The following MIPOL1 variants were observed in gnomAD, a reference collection of about 807,000 sequenced individuals.
MIPOL1 encodes the protein mirror-image polydactyly gene 1 protein.
In MIPOL1, 57 loss-of-function variants were observed where a neutral mutation model predicts 60.9. That is an observed-to-expected ratio of 0.94 (90% CI 0.76 to 1.17). The LOEUF (loss-of-function observed/expected upper bound fraction) is 1.17, where lower values mean the gene tolerates loss of function less well. Among genes scored for constraint, MIPOL1 ranks in the 50% most tolerant of loss-of-function variants. The pLI is 0.00. For missense variants in MIPOL1, 551 were observed against 511.6 expected, an observed-to-expected ratio of 1.08 and a Z score of -0.74; for synonymous variants, 179 against 168.8, an observed-to-expected ratio of 1.06 and a Z score of -0.47.
chr14:37,361,703 G>A (rs996933455), intron 9 of MIPOL1, among the ~76,000 whole-genome samples: 1 of 133,726 alleles, frequency 7.5e-6, no homozygotes, highest in African/African-American at 2.9e-5. Context: ...CCTTCCCCGG[G>A]TTCATGCCAT....
intron 3 of MIPOL1, chr14:37,265,083 A>G (rs1214241451): frequency 6.6e-6 from 1 of 152,324 alleles, no homozygotes; most frequent in Non-Finnish European, 1.5e-5. Context: ...TGTCATTTCA[A>G]TACAAGAAAT....
intron 12 of MIPOL1, chr14:37,523,352 G>A (rs1226848634): frequency 3.0e-6 from 1 of 330,470 alleles, no homozygotes; most frequent in Non-Finnish European, 5.5e-6. Flanking sequence ...TGATCTAGGT[G>A]TCCTAATTAG....
intron 12 of MIPOL1, among the ~76,000 whole-genome samples, chr14:37,520,272 A>G (rs996338683): frequency 6.6e-6 from 1 of 152,158 alleles, no homozygotes; most frequent in South Asian, 2.1e-4. Flanking sequence ...GTTGATTTGT[A>G]TTCCCTGTTA....
chr14:37,545,979 C>A (rs181221580), intron 12 of MIPOL1: 95 of 232,536 alleles, frequency 4.1e-4, no homozygotes, highest in African/African-American at 2.0e-3. Flanking sequence ...AGGAAGATTT[C>A]TATGTGTATA....
chr14:37,466,948 C>T (rs1462747660), intron 11 of MIPOL1, among the ~76,000 whole-genome samples: 1 of 152,202 alleles, frequency 6.6e-6, no homozygotes, highest in Non-Finnish European at 1.5e-5. Flanking sequence ...GGCATATAAT[C>T]AAATGGCTCA....
chr14:37,388,490 T>G (rs936035314), intron 10 of MIPOL1, among the ~76,000 whole-genome samples: 3 of 151,340 alleles, frequency 2.0e-5, no homozygotes, highest in African/African-American at 4.8e-5. Flanking sequence ...TTTTGTGTTT[T>G]TTTTTTTTTT....
chr14:37,449,515 C>T (rs1383495425), intron 11 of MIPOL1, among the ~76,000 whole-genome samples: 1 of 152,062 alleles, frequency 6.6e-6, no homozygotes, highest in Non-Finnish European at 1.5e-5. Flanking sequence ...TAATTCGTTG[C>T]TTTTATACAA....
chr14:37,446,566 A>G (rs1476225113), intron 11 of MIPOL1, among the ~76,000 whole-genome samples: 12 of 142,104 alleles, frequency 8.4e-5, no homozygotes. Context: ...CAGCCATCCC[A>G]TTACTGGGTA....
chr14:37,373,287 G>T (rs963679007), intron 10 of MIPOL1, among the ~76,000 whole-genome samples: 1 of 152,140 alleles, frequency 6.6e-6, no homozygotes, highest in Non-Finnish European at 1.5e-5. Flanking sequence ...ACAGGCATGA[G>T]TCACCAAGCC....
chr14:37,519,497 C>T (rs529793665), intron 12 of MIPOL1, among the ~76,000 whole-genome samples: 6 of 152,122 alleles, frequency 3.9e-5, no homozygotes, highest in African/African-American at 1.4e-4. Context: ...ATATTTTTCT[C>T]ATGAAGTTTT....
chr14:37,517,031 A>T (rs1308200744), intron 12 of MIPOL1, among the ~76,000 whole-genome samples: 1 of 152,168 alleles, frequency 6.6e-6, no homozygotes, highest in African/African-American at 2.4e-5. Context: ...CTAAAATTCA[A>T]AGTTAAAGGG....
At chr14:37,391,744 A>C (rs1027831752) in intron 10 of MIPOL1, among the ~76,000 whole-genome samples, 1 of 152,118 alleles carries the variant, frequency 6.6e-6, no homozygotes, top group Non-Finnish European at 1.5e-5. Flanking sequence ...ATCCATGTAG[A>C]AATTAAAGTC....
At chr14:37,250,126 A>G (rs777928239) in intron 3 of MIPOL1, among the ~76,000 whole-genome samples, 2 of 152,222 alleles carry the variant, frequency 1.3e-5, no homozygotes, top group Non-Finnish European at 2.9e-5. Context: ...AACTATATAG[A>G]TGCATAGACA....
intron 12 of MIPOL1, among the ~76,000 whole-genome samples, chr14:37,524,273 T>C (rs2095431875): frequency 6.6e-6 from 1 of 152,032 alleles, no homozygotes. Flanking sequence ...TGATGAGAAA[T>C]TGTGATAACT....
At chr14:37,363,873 C>T (rs1282977304) in intron 9 of MIPOL1, among the ~76,000 whole-genome samples, 1 of 152,208 alleles carries the variant, frequency 6.6e-6, no homozygotes, top group Admixed American at 6.5e-5. Flanking sequence ...GCTGCAGCCT[C>T]ACAGGTCCAT....
At chr14:37,529,462 G>A (rs2095467449) in intron 12 of MIPOL1, among the ~76,000 whole-genome samples, 1 of 152,070 alleles carries the variant, frequency 6.6e-6, no homozygotes, top group African/African-American at 2.4e-5. Context: ...ATTTGGAGAG[G>A]GTTCAAGTGC....
chr14:37,409,821 A>G (rs990899043), intron 10 of MIPOL1, among the ~76,000 whole-genome samples: 2 of 152,190 alleles, frequency 1.3e-5, no homozygotes, highest in Non-Finnish European at 2.9e-5. Context: ...ATTAGAAGAC[A>G]TATAAGTTGG....
intron 9 of MIPOL1, among the ~76,000 whole-genome samples, chr14:37,323,463 T>G (rs1241017404): frequency 1.3e-5 from 2 of 152,116 alleles, no homozygotes; most frequent in Admixed American, 1.3e-4. Flanking sequence ...ATACGGGCTT[T>G]TTTTTGGTTC....
At chr14:37,295,775 C>T (rs140818452) in intron 7 of MIPOL1, among the ~76,000 whole-genome samples, 3 of 152,078 alleles carry the variant, frequency 2.0e-5, no homozygotes, top group Admixed American at 6.5e-5. Context: ...ATATATGTAC[C>T]CAATACAGGA....
Sources: allele counts gnomAD v4.1 joint callset (sites outside exome capture counted in the v4.1 genomes callset), GRCh38; gene constraint gnomAD v4.1.1; transcripts MANE v1.5; gene names NCBI Gene and HGNC (gene_info 2026-07-23, HGNC 2026-07-21).